Variants in GRID2IP observed in about 807,000 individuals in gnomAD.
The protein encoded by GRID2IP is delphilin.
A neutral mutation model predicts 114.3 loss-of-function variants in GRID2IP; 78 were observed. The ratio of observed to expected loss-of-function variants is 0.68; its 90% CI spans 0.57 to 0.82. GRID2IP has a LOEUF of 0.82. Among genes scored for constraint, GRID2IP ranks in the 40% least tolerant of loss-of-function variants. The pLI is 0.00. For synonymous variants in GRID2IP, 809 were observed against 724.0 expected (o/e 1.12, Z -1.89); for missense variants, 1,727 against 1,678.5 (o/e 1.03, Z -0.51).
chr7:6,542,085 T>C (rs1779821874), intron 1 of GRID2IP, among the ~76,000 whole-genome samples: 1 of 152,044 alleles, frequency 6.6e-6, no homozygotes, highest in Non-Finnish European at 1.5e-5. Context: ...GCGGATCATC[T>C]GAGGTCAGGT....
At chr7:6,547,784 G>A (rs992951210) in intron 1 of GRID2IP, among the ~76,000 whole-genome samples, 1 of 152,164 alleles carries the variant, frequency 6.6e-6, no homozygotes, top group Non-Finnish European at 1.5e-5. Context: ...AGACACTCCT[G>A]AGGGGGTTAA....
rs762876452 is a variant in GRID2IP, at chr7:6,521,918, C to T, written c.959G>A (p.Arg320Gln). The T allele has an allele frequency of 1.8e-5, 28 of 1,551,514 alleles. No homozygotes were observed. The highest frequency in any genetic ancestry group is 3.6e-5 in the South Asian group (3 of 84,056). ...ADNAALKSGDRILFLNGLDMR... is the reference protein window; with the variant it reads ...ADNAALKSGDQILFLNGLDMR... ...GTCCAGTCCATTGAGGAAGAGGATC[C>T]GGTCACCTGACTTGAGGGCAGCATT... is the stretch of plus-strand genomic sequence containing the variant. Residue 320 changes from arginine to glutamine, a missense_variant, in exon 5 of 22, where the codon CGG becomes CAG. Coordinates refer to ENST00000457091, the MANE Select transcript of GRID2IP (RefSeq NM_001145118.2). This position sits in a 1 kb window ranked among gnomAD's most constrained non-coding sequence, Gnocchi z 4.1.
chr7:6,550,752 TG>T (rs1247524531), intron 1 of GRID2IP, among the ~76,000 whole-genome samples: 2 of 151,312 alleles, frequency 1.3e-5, no homozygotes, highest in African/African-American at 4.9e-5. Flanking sequence ...CACTTGAACT[TG>T]GGAGGCAGAG....
chr7:6,539,184 A>G (rs1779776207), intron 2 of GRID2IP, among the ~76,000 whole-genome samples: 1 of 150,826 alleles, frequency 6.6e-6, no homozygotes, highest in South Asian at 2.1e-4. Context: ...GCTGGAGTGC[A>G]GTGGCACAAT....
At position 6,510,721 on chromosome 7, in the gene GRID2IP, T is replaced by A; in HGVS notation, c.1556-15A>T. The A allele has an allele frequency of 1.4e-5, 22 of 1,545,530 alleles. No individual in the cohort carries two copies. The highest frequency in any genetic ancestry group is 1.9e-5 in the Non-Finnish European group (22 of 1,142,884). ...CTCGCTGGGACCTACCGGGGAATAA[T>A]GTCATTACCGTATCTGAGCTCTACG... On this transcript the variant is annotated splice_polypyrimidine_tract_variant and intron_variant, in intron 9 of 21. Transcript: ENST00000457091.
At position 6,526,132 on chromosome 7, in the gene GRID2IP, C is replaced by T; in HGVS notation, c.919+92G>A. On this transcript the variant is annotated intron_variant, in intron 4 of 21. Coordinates refer to ENST00000457091, the MANE Select transcript of GRID2IP (RefSeq NM_001145118.2). This position sits in a 1 kb window ranked among gnomAD's most constrained non-coding sequence, Gnocchi z 7.6. ...GGAGGGGTTGCTGAGCAGGAGCCTA[C>T]ATGGGGTACAATGACCCGGCAGAGC... is the stretch of plus-strand genomic sequence containing the variant. 2 of 971,356 alleles carry T rather than the reference C, an allele frequency of 2.1e-6. No individual in the cohort carries two copies. Among genetic ancestry groups the T allele is most frequent in the Middle Eastern group, 2.1e-4 (1 of 4,736 alleles). 60.2% of individuals were successfully genotyped at this position (971,356 alleles called of 1,614,324 possible).
intron 1 of GRID2IP, among the ~76,000 whole-genome samples, chr7:6,544,620 C>T (rs947340059): frequency 3.3e-5 from 5 of 151,998 alleles, no homozygotes; most frequent in African/African-American, 1.2e-4. Flanking sequence ...TTCCCTGCAG[C>T]TTATATAAAT....
In GRID2IP at chr7:6,536,975, A is replaced by T; in HGVS notation, c.584+2743T>A. 2.7e-4 allele frequency: 9 copies of T among 32,748 alleles called. No homozygotes were observed. Among genetic ancestry groups the T allele is most frequent in the Non-Finnish European group, 4.8e-4 (8 of 16,780 alleles). 2.0% of individuals were successfully genotyped at this position (32,748 alleles called of 1,614,324 possible). On this transcript the variant is annotated intron_variant, in intron 2 of 21. Coordinates refer to ENST00000457091, the MANE Select transcript of GRID2IP (RefSeq NM_001145118.2). This position sits in a 1 kb window ranked among gnomAD's most constrained non-coding sequence, Gnocchi z 5.3. ...CCTGACATTGGCCAGGCCCAGAGGGAGGGGCAGGCTGCGGGGTGAATGGCA... is the reference window on the plus strand; with the variant it reads ...CCTGACATTGGCCAGGCCCAGAGGGTGGGGCAGGCTGCGGGGTGAATGGCA...
rs540601856 is a variant in GRID2IP, at chr7:6,516,897, T to A, written c.1269-2368A>T. 6.6e-6 allele frequency among the ~76,000 whole-genome samples: 1 copy of A among 152,126 alleles called. No homozygotes were observed. Among genetic ancestry groups the A allele is most frequent in the Non-Finnish European group, 1.5e-5 (1 of 68,026 alleles). On this transcript the variant is annotated intron_variant, in intron 7 of 21. Coordinates refer to ENST00000457091, the MANE Select transcript of GRID2IP (RefSeq NM_001145118.2). The surrounding 1 kb of genome is among the most constrained non-coding windows in gnomAD (Gnocchi z 4.3). ...GTGACTCACATGACCTTACCTATCA[T>A]TGGAGATGACTCTCACTCCATACCC... is the stretch of plus-strand genomic sequence containing the variant.
intron 14 of GRID2IP, 122 bp from the exon 15 acceptor site, chr7:6,504,992 G>C: frequency 1.3e-6 from 1 of 759,682 alleles, no homozygotes; most frequent in Non-Finnish European, 2.3e-6. Context: ...GACTTAATCA[G>C]CTACACGTCC....
intron 8 of GRID2IP, among the ~76,000 whole-genome samples, chr7:6,511,459 A>G (rs1029234920): frequency 2.0e-5 from 3 of 151,694 alleles, no homozygotes; most frequent in Non-Finnish European, 4.4e-5. Flanking sequence ...TGCAACCTCC[A>G]CCTCCCAGGT....
intron 1 of GRID2IP, among the ~76,000 whole-genome samples, chr7:6,540,687 A>ATTTTTTTTT (rs34930808): frequency 1.4e-4 from 13 of 92,278 alleles, no homozygotes; most frequent in Non-Finnish European, 2.2e-4. Context: ...CACCTGGCTA[A>ATTTTTTTTT]TTTTTTTTTT....
chr7:6,501,595 A>C (rs1160920966), intron 20 of GRID2IP, among the ~76,000 whole-genome samples, 186 bp downstream of exon 20: 1 of 148,258 alleles, frequency 6.7e-6, no homozygotes, highest in African/African-American at 2.4e-5. Flanking sequence ...ACCCTGCCTC[A>C]ATCAATCAAT....
rs963755912 is a variant in GRID2IP, at chr7:6,510,784, C to T, written c.1556-78G>A. 2.0e-5 allele frequency: 30 copies of T among 1,471,390 alleles called. No individual in the cohort carries two copies. In the Admixed American group the frequency reaches 4.9e-4, roughly 24 times the overall value. The allele number at this position is 1,471,390 out of a possible 1,614,324, so 91.1% of individuals were successfully genotyped here. A position where few individuals can be genotyped will look rare whatever the true frequency, so the allele number is the denominator to read the frequency against. The stretch of plus-strand genomic sequence containing the variant: ...GCCCAGAACCAACATGCCCCGCAGA[C>T]CCAGGAGGGCCAATCCTGAGCCCTG... On this transcript the variant is annotated intron_variant, in intron 9 of 21. Coordinates refer to ENST00000457091, the MANE Select transcript of GRID2IP (RefSeq NM_001145118.2).
intron 18 of GRID2IP, 131 bp from the exon 19 acceptor site, chr7:6,502,249 G>A (rs556306328): frequency 6.1e-6 from 5 of 824,364 alleles, no homozygotes; most frequent in South Asian, 1.5e-5. Context: ...TTTAATAGCA[G>A]GGTCTTGCTC....
In GRID2IP at chr7:6,509,226, G is replaced by A; in HGVS notation, c.1859C>T (p.Ala620Val). ...CYHPLCSGGLASPSSSESHPY... is the reference protein window; with the variant it reads ...CYHPLCSGGLVSPSSSESHPY... ...GTGGGACTCAGAGCTGCTGGGGGAG[G>A]CCAGACCCCCCGAACACAGCGGGTG... is the stretch of plus-strand genomic sequence containing the variant. The change falls in exon 12 of 22, where the codon GCC (alanine) becomes GTC (valine). Residue 620 changes from alanine (A) to valine (V), a missense_variant. By Grantham distance (64) the Ala-to-Val change is moderately conservative (BLOSUM62 0). Transcript: ENST00000457091. The surrounding 1 kb of genome is among the most constrained non-coding windows in gnomAD (Gnocchi z 4.9). The A allele has an allele frequency of 6.6e-7, 1 of 1,507,208 alleles. No individual in the cohort carries two copies. The highest frequency in any genetic ancestry group is 8.9e-7 in the Non-Finnish European group (1 of 1,125,964). The allele number at this position is 1,507,208 out of a possible 1,614,324, so 93.4% of individuals were successfully genotyped here.
intron 18 of GRID2IP, 141 bp from the exon 19 acceptor site, chr7:6,502,259 C>T (rs1786438111): frequency 2.6e-6 from 2 of 760,900 alleles, no homozygotes; most frequent in African/African-American, 1.8e-5. Context: ...GGGTCTTGCT[C>T]TGTTGCCCAG....
chr7:6,526,615 G>T lies in GRID2IP; in HGVS notation c.739C>A (p.Arg247Ser). Residue 247 changes from arginine to serine, a missense_variant, in exon 3 of 22, where the codon CGC (arginine) becomes AGC (serine). By Grantham distance (110) the Arg-to-Ser change is moderately radical. Transcript: ENST00000457091. The surrounding 1 kb of genome is among the most constrained non-coding windows in gnomAD (Gnocchi z 7.6). Reference sequence around the variant, plus strand: ...GGGCGGCGCGGCGGGGCGCTGGCGCGCGTGGACACCAGGAGGCGCTCCGGC... The same window carrying T: ...GGGCGGCGCGGCGGGGCGCTGGCGCTCGTGGACACCAGGAGGCGCTCCGGC... ...ERPERLLVSTRASAPPRRPDE... is the reference protein window; with the variant it reads ...ERPERLLVSTSASAPPRRPDE... 1 of 1,213,282 alleles carries T rather than the reference G, an allele frequency of 8.2e-7. No homozygotes were observed. 75.2% of individuals were successfully genotyped at this position (1,213,282 alleles called of 1,614,324 possible).
rs1779722239 is a variant in GRID2IP at position 6,536,364 on chromosome 7, G to A, written c.584+3354C>T. Reference sequence around the variant, plus strand: ...GGGACTGGGCATCCCCAGGTGTCCAGGGCTCCCGCTGCCCAGGCTCTAAAT... The same window carrying A: ...GGGACTGGGCATCCCCAGGTGTCCAAGGCTCCCGCTGCCCAGGCTCTAAAT... On this transcript the variant is annotated intron_variant, in intron 2 of 21. Coordinates refer to ENST00000457091, the MANE Select transcript of GRID2IP (RefSeq NM_001145118.2). The surrounding 1 kb of genome is among the most constrained non-coding windows in gnomAD (Gnocchi z 5.3). Among the ~76,000 whole-genome samples the A allele has an allele frequency of 6.6e-6, 1 of 152,240 alleles. No homozygotes were observed. Among genetic ancestry groups the A allele is most frequent in the Admixed American group, 6.5e-5 (1 of 15,280 alleles).
Sources: allele counts gnomAD v4.1 joint callset (sites outside exome capture counted in the v4.1 genomes callset), GRCh38; gene constraint gnomAD v4.1.1; non-coding constraint Gnocchi (gnomAD v3.1); transcripts MANE v1.5; gene names NCBI Gene and HGNC (gene_info 2026-07-23, HGNC 2026-07-21).